Variants in MMP2 observed in about 807,000 individuals in gnomAD.
The protein encoded by MMP2 is matrix metallopeptidase 2, also known as 72 kDa type IV collagenase.
In MMP2, 39 loss-of-function variants were observed where a neutral mutation model predicts 74.8. The ratio of observed to expected loss-of-function variants is 0.52; its 90% CI spans 0.40 to 0.68. MMP2 has a LOEUF of 0.68. Ranked by LOEUF, MMP2 falls within the 30% of genes least tolerant of loss-of-function variation. The probability of loss-of-function intolerance (pLI) is 0.00; values close to 1 mark genes in which losing one functional copy is unlikely to be tolerated. For synonymous variants in MMP2, 367 were observed against 339.8 expected (o/e 1.08, Z -0.88); for missense variants, 803 against 878.3 (o/e 0.91, Z 1.08).
intron 1 of MMP2, 43 bp from the exon 2 acceptor site, chr16:55,482,866 T>C (rs1363093610): frequency 2.1e-5 from 33 of 1,551,378 alleles, no homozygotes; most frequent in African/African-American, 2.7e-5. Flanking sequence ...TACTGTGCCA[T>C]CCTAATGTGG....
chr16:55,498,813 T>C (rs1214431724), intron 11 of MMP2, among the ~76,000 whole-genome samples: 2 of 152,254 alleles, frequency 1.3e-5, no homozygotes, highest in Non-Finnish European at 2.9e-5. Context: ...CCAAGGGTTC[T>C]ATGGGATAGG....
At chr16:55,498,018 C>G (rs1257578162) in intron 10 of MMP2, among the ~76,000 whole-genome samples, 4 of 152,202 alleles carry the variant, frequency 2.6e-5, no homozygotes, top group Non-Finnish European at 4.4e-5. Context: ...CTCTTTATGA[C>G]AGCAAGGCCC....
Position 55,498,402 on chromosome 16 carries a change from A to G in MMP2, c.1723A>G (p.Ser575Gly). ...VQRVDAAFNWSKNKKTYIFAG... is the reference protein window; with the variant it reads ...VQRVDAAFNWGKNKKTYIFAG... ...GCGAGTGGATGCCGCCTTTAACTGGAGCAAAAACAAGAAGACATACATCTT... is the reference window on the plus strand; with the variant it reads ...GCGAGTGGATGCCGCCTTTAACTGGGGCAAAAACAAGAAGACATACATCTT... Residue 575 changes from serine to glycine, a missense_variant, in exon 11 of 13, where the codon AGC becomes GGC. Physicochemically the swap from Ser to Gly is moderately conservative, Grantham distance 56. Transcript: ENST00000219070. 6.2e-7 allele frequency: 1 copy of G among 1,614,232 alleles called. No individual in the cohort carries two copies. Among genetic ancestry groups the G allele is most frequent in the Non-Finnish European group, 8.5e-7 (1 of 1,180,052 alleles).
intron 5 of MMP2, chr16:55,487,118 T>G (rs1293918954): frequency 6.6e-6 from 1 of 152,242 alleles, no homozygotes; most frequent in African/African-American, 2.4e-5. Context: ...CAGAAAGCTT[T>G]GGTGATAGTT....
intron 9 of MMP2, among the ~76,000 whole-genome samples, chr16:55,495,464 G>T (rs566362680): frequency 2.0e-5 from 3 of 152,230 alleles, no homozygotes; most frequent in African/African-American, 7.2e-5. Flanking sequence ...CTAGGCACTG[G>T]TGAGGGTGGG....
At position 55,479,417 on chromosome 16, in the gene MMP2, G is replaced by A; in HGVS notation, c.-63G>A. 1.4e-6 allele frequency: 2 copies of A among 1,399,976 alleles called. No individual in the cohort carries two copies. Among genetic ancestry groups the A allele is most frequent in the Non-Finnish European group, 1.8e-6 (2 of 1,085,514 alleles). 86.7% of individuals were successfully genotyped at this position (1,399,976 alleles called of 1,614,324 possible). Reference sequence around the variant, plus strand: ...GCGGAGCAGGCTCCAACCAGGCGGCGAGGCGGCCACACGCACCGAGCCAGC... The same window carrying A: ...GCGGAGCAGGCTCCAACCAGGCGGCAAGGCGGCCACACGCACCGAGCCAGC... On this transcript the variant is annotated 5_prime_UTR_variant, in exon 1 of 13. Coordinates refer to ENST00000219070, the MANE Select transcript of MMP2 (RefSeq NM_004530.6).
intron 10 of MMP2, among the ~76,000 whole-genome samples, chr16:55,498,042 C>G (rs2142367290): frequency 1.3e-5 from 2 of 152,346 alleles, no homozygotes; most frequent in African/African-American, 4.8e-5. Context: ...GAGTGCACGA[C>G]TTGGTGAGCA....
rs1223593870 is a variant in MMP2, at chr16:55,502,844, C to G, written c.1835C>G (p.Ala612Gly). ...FPKLIADAWNAIPDNLDAVVD... is the reference protein window; with the variant it reads ...FPKLIADAWNGIPDNLDAVVD... ...AAGCTCATCGCAGATGCCTGGAATG[C>G]CATCCCCGATAACCTGGATGCCGTC... Residue 612 changes from alanine (A) to glycine (G), a missense_variant, in exon 12 of 13, where the codon GCC becomes GGC. By Grantham distance (60) the Ala-to-Gly change is moderately conservative. Coordinates refer to ENST00000219070, the MANE Select transcript of MMP2 (RefSeq NM_004530.6). 2 of 1,614,068 alleles carry G rather than the reference C, an allele frequency of 1.2e-6. No individual in the cohort carries two copies. Among genetic ancestry groups the G allele is most frequent in the Non-Finnish European group, 1.7e-6 (2 of 1,180,008 alleles).
chr16:55,479,748 C>G (rs1480823311), intron 1 of MMP2, 116 bp downstream of exon 1: 4 of 1,325,396 alleles, frequency 3.0e-6, no homozygotes, highest in Non-Finnish European at 4.3e-6. Context: ...GGAGGGGCTT[C>G]GGTAAACAGC....
At chr16:55,479,748 C>A in intron 1 of MMP2, 116 bp downstream of exon 1, 1 of 1,325,510 alleles carries the variant, frequency 7.5e-7, no homozygotes, top group Non-Finnish European at 1.1e-6. Flanking sequence ...GGAGGGGCTT[C>A]GGTAAACAGC....
chr16:55,505,118 A>AC (rs1172030217), intron 12 of MMP2, among the ~76,000 whole-genome samples: 1 of 151,908 alleles, frequency 6.6e-6, no homozygotes, highest in East Asian at 1.9e-4. Flanking sequence ...TACCCAGCTA[A>AC]TTTAAATATG....
intron 9 of MMP2, among the ~76,000 whole-genome samples, chr16:55,494,778 C>A (rs1241446684): frequency 6.6e-6 from 1 of 152,196 alleles, no homozygotes; most frequent in Admixed American, 6.5e-5. Flanking sequence ...GAAAAGTGAT[C>A]GCAGAGGTGT....
chr16:55,498,374 C>T lies in MMP2; in HGVS notation c.1695C>T (p.Val565=), dbSNP rs771855710. Residue 565 remains valine, a synonymous_variant, in exon 11 of 13, where the codon GTC becomes GTT. Transcript: ENST00000219070. ...PLTSLGLPPD[V]QRVDAAFNWS... is the part of the protein sequence containing the mutation. ...CCAGCCTGGGACTGCCCCCTGATGT[C>T]CAGCGAGTGGATGCCGCCTTTAACT... 6.2e-7 allele frequency: 1 copy of T among 1,614,240 alleles called. No homozygotes were observed. The highest frequency in any genetic ancestry group is 1.1e-5 in the South Asian group (1 of 91,082).
Position 55,502,775 on chromosome 16 carries a change from A to G in MMP2, c.1770-4A>G, listed in dbSNP as rs243834. Reference sequence around the variant, plus strand: ...GCTGGTTCACTGTGTCTGTTTCTTTACAGATACAATGAGGTGAAGAAGAAA... The same window carrying G: ...GCTGGTTCACTGTGTCTGTTTCTTTGCAGATACAATGAGGTGAAGAAGAAA... On this transcript the variant is annotated splice_region_variant and splice_polypyrimidine_tract_variant and intron_variant, in intron 11 of 12. Transcript: ENST00000219070. 769,824 of 1,611,146 alleles carry G rather than the reference A, an allele frequency of 0.48. 185,268 individuals carry two copies. The highest frequency in any genetic ancestry group is 0.63 in the East Asian group (28,262 of 44,824).
At chr16:55,492,426 A>ATTATTTAT (rs3996855) in intron 8 of MMP2, among the ~76,000 whole-genome samples, 78 of 143,490 alleles carry the variant, frequency 5.4e-4, no homozygotes, top group African/African-American at 1.1e-3. Context: ...CCTTAAGCCA[A>ATTATTTAT]TTATTTATTT....
chr16:55,494,248 T>C (rs1962483163), intron 9 of MMP2, among the ~76,000 whole-genome samples: 1 of 152,252 alleles, frequency 6.6e-6, no homozygotes, highest in Non-Finnish European at 1.5e-5. Flanking sequence ...ACTGGTTATG[T>C]AATCATAGAC....
chr16:55,492,788 G>A (rs1287733451), intron 8 of MMP2, among the ~76,000 whole-genome samples: 7 of 152,024 alleles, frequency 4.6e-5, no homozygotes, highest in Non-Finnish European at 7.4e-5. Flanking sequence ...ACACACCAGC[G>A]GCCCCCTGAC....
rs375047862 is a variant in MMP2 at position 55,491,966 on chromosome 16, C to T, written c.1336+10C>T. 2.8e-4 allele frequency: 319 copies of T among 1,127,804 alleles called. 1 individual carries two copies. Among genetic ancestry groups the T allele is most frequent in the South Asian group, 5.7e-4 (43 of 75,762 alleles). The allele number at this position is 1,127,804 out of a possible 1,614,324, so 69.9% of individuals were successfully genotyped here. ...ATTCAGGAGCTCTATGGTAAACCTCCGGGCGGGGGTTGGGGGTGGAGGGTG... is the reference window on the plus strand; with the variant it reads ...ATTCAGGAGCTCTATGGTAAACCTCTGGGCGGGGGTTGGGGGTGGAGGGTG... On this transcript the variant is annotated intron_variant, in intron 8 of 12. Transcript: ENST00000219070.
chr16:55,489,107 A>G (rs1014971555), intron 6 of MMP2, among the ~76,000 whole-genome samples: 8 of 151,930 alleles, frequency 5.3e-5, no homozygotes, highest in African/African-American at 1.9e-4. Context: ...TCTGTTTTTT[A>G]TTAAGAGCTC....
Sources: gnomAD v4.1 joint callset for allele counts (sites outside exome capture counted in the v4.1 genomes callset) on GRCh38, gnomAD v4.1.1 for gene constraint, MANE v1.5 for transcripts, NCBI Gene and HGNC (gene_info 2026-07-23, HGNC 2026-07-21) for gene names.